TIMP2: variants seen among roughly 807,000 people sequenced by gnomAD.
The protein encoded by TIMP2 is metalloproteinase inhibitor 2.
A neutral mutation model predicts 24.3 loss-of-function variants in TIMP2; 5 were observed. The observed-to-expected ratio is 0.21, with a 90% CI of 0.11 to 0.43. TIMP2 has a LOEUF of 0.43. Ranked by LOEUF, TIMP2 falls within the 20% of genes least tolerant of loss-of-function variation. The probability of loss-of-function intolerance (pLI) is 1.00; values close to 1 mark genes in which losing one functional copy is unlikely to be tolerated. For synonymous variants in TIMP2, 130 were observed against 123.2 expected (o/e 1.06, Z -0.37); for missense variants, 221 against 297.5 (o/e 0.74, Z 1.89).
intron 1 of TIMP2, among the ~76,000 whole-genome samples, chr17:78,881,044 C>T (rs942088314): frequency 6.6e-6 from 1 of 152,222 alleles, no homozygotes; most frequent in African/African-American, 2.4e-5. Flanking sequence ...ACCTGTCTGC[C>T]CAGACGAGGT....
chr17:78,871,303 T>C (rs1172041522), intron 2 of TIMP2, among the ~76,000 whole-genome samples: 1 of 151,458 alleles, frequency 6.6e-6, no homozygotes, highest in Non-Finnish European at 1.5e-5. Context: ...AATACAAAAA[T>C]TAGCTGAGCA....
intron 1 of TIMP2, among the ~76,000 whole-genome samples, chr17:78,911,182 A>G (rs2070203725): frequency 6.6e-6 from 1 of 152,166 alleles, no homozygotes; most frequent in Non-Finnish European, 1.5e-5. Flanking sequence ...GAATGGTGGC[A>G]GAGGCGAGCT....
chr17:78,878,842 G>T lies in TIMP2; in HGVS notation c.131-4923C>A, dbSNP rs538408079. Among the ~76,000 whole-genome samples, 10 of 152,278 alleles carry T rather than the reference G, an allele frequency of 6.6e-5. No homozygotes were observed. The South Asian group carries it at 2.1e-3, about 32-fold the overall frequency. ...TGGGGAACAGAATTCAGATTCTTCA[G>T]GGTCCCTTTAAATTGGGGGTGGGCA... On this transcript the variant is annotated intron_variant, in intron 1 of 4. Coordinates refer to ENST00000262768, the MANE Select transcript of TIMP2 (RefSeq NM_003255.5).
At chr17:78,910,149 C>T (rs1215598533) in intron 1 of TIMP2, among the ~76,000 whole-genome samples, 3 of 151,966 alleles carry the variant, frequency 2.0e-5, no homozygotes, top group Non-Finnish European at 2.9e-5. Flanking sequence ...CAATGTCCTC[C>T]GAGCTATCTG....
chr17:78,912,807 G>A (rs529987868), intron 1 of TIMP2, among the ~76,000 whole-genome samples: 2 of 152,176 alleles, frequency 1.3e-5, no homozygotes, highest in Non-Finnish European at 2.9e-5. Context: ...TAGACTTTGA[G>A]GCCCATACAG....
At position 78,912,284 on chromosome 17, in the gene TIMP2, C is replaced by T. The variant is rs796391657; in HGVS notation, c.130+12675G>A. Among the ~76,000 whole-genome samples the T allele has an allele frequency of 3.3e-4, 50 of 152,310 alleles. 1 individual carries two copies. Among genetic ancestry groups the T allele is most frequent in the African/African-American group, 1.2e-3 (48 of 41,568 alleles). The stretch of plus-strand genomic sequence containing the variant: ...TCCTTGGTTAAGCAGCAGCTGTTGG[C>T]GGGTGCTCTGTCCAGGCCTCCGCTA... On this transcript the variant is annotated intron_variant, in intron 1 of 4. Transcript: ENST00000262768.
chr17:78,858,268 C>A (rs1301487797), intron 3 of TIMP2, among the ~76,000 whole-genome samples: 1 of 151,846 alleles, frequency 6.6e-6, no homozygotes, highest in Non-Finnish European at 1.5e-5. Context: ...CGGTGAAACC[C>A]CCGTCTCTAC....
intron 3 of TIMP2, among the ~76,000 whole-genome samples, chr17:78,861,468 C>T (rs969205268): frequency 7.9e-5 from 12 of 152,180 alleles, no homozygotes; most frequent in Admixed American, 1.3e-4. Context: ...GAGACACACC[C>T]GTGCTTGTTC....
chr17:78,873,657 A>T lies in TIMP2; in HGVS notation c.231+162T>A, dbSNP rs76403909. 2.1e-3 allele frequency among the ~76,000 whole-genome samples: 313 copies of T among 152,284 alleles called. 6 individuals are homozygous for T. In the East Asian group the frequency reaches 0.051, roughly 25 times the overall value. ...CTCCACACAACTTTTCAGGCATTCG[A>T]GGATTAAGGGAAATCGGATCTATTT... On this transcript the variant is annotated intron_variant, in intron 2 of 4. Coordinates refer to ENST00000262768, the MANE Select transcript of TIMP2 (RefSeq NM_003255.5).
intron 2 of TIMP2, among the ~76,000 whole-genome samples, chr17:78,872,015 ATTT>A (rs1266315018): frequency 6.6e-6 from 1 of 151,544 alleles, no homozygotes; most frequent in African/African-American, 2.4e-5. Context: ...ATTTCCAGGA[ATTT>A]TTTATTTTTT....
intron 3 of TIMP2, among the ~76,000 whole-genome samples, chr17:78,859,808 A>G (rs1260745832): frequency 2.0e-5 from 3 of 152,008 alleles, no homozygotes; most frequent in Non-Finnish European, 4.4e-5. Flanking sequence ...TCTGGCCAAC[A>G]TGGTGAAACC....
chr17:78,891,339 T>TC lies in TIMP2; in HGVS notation c.131-17421dup, dbSNP rs144289362. On this transcript the variant is annotated intron_variant, in intron 1 of 4. Coordinates refer to ENST00000262768, the MANE Select transcript of TIMP2 (RefSeq NM_003255.5). The surrounding 1 kb of genome is among the most constrained non-coding windows in gnomAD (Gnocchi z 4.5). ...TCTGCCATTTTCTTCCCTCTTGGGG[T>TC]CCCAGCGCCACACTCTTGCATCTCT... 3,662 of 1,550,370 alleles carry TC rather than the reference T, an allele frequency of 2.4e-3. 55 individuals carry two copies. In the African/African-American group the frequency reaches 0.042, roughly 18 times the overall value.
intron 1 of TIMP2, among the ~76,000 whole-genome samples, chr17:78,922,049 T>A (rs7212662): frequency 1.3e-5 from 2 of 151,320 alleles, no homozygotes; most frequent in East Asian, 2.0e-4. Context: ...GTCACAGCCC[T>A]GGTTAAATCA....
At chr17:78,886,453 A>G (rs1479420707) in intron 1 of TIMP2, among the ~76,000 whole-genome samples, 1 of 152,136 alleles carries the variant, frequency 6.6e-6, no homozygotes, top group Admixed American at 6.5e-5. Flanking sequence ...CCTCTCAGAC[A>G]GAGGTGATGC....
intron 3 of TIMP2, among the ~76,000 whole-genome samples, chr17:78,862,377 T>C (rs2069574412): frequency 6.6e-6 from 1 of 152,236 alleles, no homozygotes; most frequent in Admixed American, 6.5e-5. Flanking sequence ...TGGAGTCATC[T>C]GACCAAGGCT....
chr17:78,905,249 G>A lies in TIMP2; in HGVS notation c.130+19710C>T, dbSNP rs540900055. ...CAGGACTTACCCCAGTGGCCACCCCGCTTCTCAGGCTTTGAGACTCAGGCT... is the reference window on the plus strand; with the variant it reads ...CAGGACTTACCCCAGTGGCCACCCCACTTCTCAGGCTTTGAGACTCAGGCT... On this transcript the variant is annotated intron_variant, in intron 1 of 4. Transcript: ENST00000262768. 3.9e-5 allele frequency among the ~76,000 whole-genome samples: 6 copies of A among 152,190 alleles called. No homozygotes were observed. The South Asian group carries it at 6.2e-4, about 16-fold the overall frequency.
intron 2 of TIMP2, among the ~76,000 whole-genome samples, chr17:78,871,424 C>T (rs1265716641): frequency 1.0e-4 from 14 of 139,798 alleles, no homozygotes; most frequent in African/African-American, 3.2e-4. Context: ...TGTACTCCTA[C>T]CTGTATGACA....
rs568105447 is a variant in TIMP2 at position 78,878,846 on chromosome 17, C to T, written c.131-4927G>A. 2.6e-5 allele frequency among the ~76,000 whole-genome samples: 4 copies of T among 152,176 alleles called. No individual in the cohort carries two copies. In the South Asian group the frequency reaches 8.3e-4, roughly 32 times the overall value. On this transcript the variant is annotated intron_variant, in intron 1 of 4. Transcript: ENST00000262768. The stretch of plus-strand genomic sequence containing the variant: ...GAACAGAATTCAGATTCTTCAGGGT[C>T]CCTTTAAATTGGGGGTGGGCACCTC...
At chr17:78,871,228 G>T (rs1252978016) in intron 2 of TIMP2, among the ~76,000 whole-genome samples, 2 of 152,036 alleles carry the variant, frequency 1.3e-5, no homozygotes, top group Non-Finnish European at 2.9e-5. Context: ...GAGGTGGGCA[G>T]GTCGCTTGAG....
Sources: allele counts gnomAD v4.1 joint callset (sites outside exome capture counted in the v4.1 genomes callset), GRCh38; gene constraint gnomAD v4.1.1; non-coding constraint Gnocchi (gnomAD v3.1); transcripts MANE v1.5; gene names NCBI Gene and HGNC (gene_info 2026-07-23, HGNC 2026-07-21).